PAPLN: variants seen among roughly 807,000 people sequenced by gnomAD.
PAPLN encodes the protein papilin.
Under a neutral mutation model 159.0 loss-of-function variants are expected in PAPLN, and 146 were observed. The observed-to-expected ratio is 0.92, with a 90% CI of 0.80 to 1.05. PAPLN has a LOEUF of 1.05. PAPLN is among the 50% of genes least tolerant of loss of function. The probability of loss-of-function intolerance (pLI) is 0.00; values close to 1 mark genes in which losing one functional copy is unlikely to be tolerated. For synonymous variants in PAPLN, 734 were observed against 702.9 expected (o/e 1.04, Z -0.70); for missense variants, 1,720 against 1,743.9 (o/e 0.99, Z 0.24).
chr14:73,274,346 G>A lies in PAPLN; in HGVS notation c.*1682G>A, dbSNP rs985955162. 2 of 152,186 alleles carry A rather than the reference G, an allele frequency of 1.3e-5. No individual in the cohort carries two copies. The highest frequency in any genetic ancestry group is 4.8e-5 in the African/African-American group (2 of 41,456). 9.4% of individuals were successfully genotyped at this position (152,186 alleles called of 1,614,324 possible). A position where few individuals can be genotyped will look rare whatever the true frequency, so the allele number is the denominator to read the frequency against. ...TACAAATCTTTCAGAGGACTGCCTAGTAGCAAAGGTTATTCCTGGACACAG... is the reference window on the plus strand; with the variant it reads ...TACAAATCTTTCAGAGGACTGCCTAATAGCAAAGGTTATTCCTGGACACAG... On this transcript the variant is annotated 3_prime_UTR_variant, in exon 27 of 27. Transcript: ENST00000644200.
intron 13 of PAPLN, 63 bp from the exon 14 acceptor site, chr14:73,254,814 A>T: frequency 6.3e-7 from 1 of 1,599,684 alleles, no homozygotes; most frequent in South Asian, 1.1e-5. Context: ...GCCTCTCTCC[A>T]TGTGGGTCCC....
Position 73,265,562 on chromosome 14 carries a change from C to T in PAPLN, c.3263+55C>T. The T allele has an allele frequency of 1.3e-6, 2 of 1,586,304 alleles. No homozygotes were observed. Among genetic ancestry groups the T allele is most frequent in the Non-Finnish European group, 1.7e-6 (2 of 1,163,882 alleles). On this transcript the variant is annotated intron_variant, in intron 23 of 26. Transcript: ENST00000644200. The surrounding 1 kb of genome is among the most constrained non-coding windows in gnomAD (Gnocchi z 4.1). ...ATTCTGCCTCCAGCCCCACCTTATC[C>T]TATGGAGGCCACCGGGGAAGGGAGC...
At chr14:73,263,305 G>C (rs1028714347) in intron 19 of PAPLN, 1 of 422,528 alleles carries the variant, frequency 2.4e-6, no homozygotes, top group African/African-American at 2.0e-5. Context: ...TAAAAGCGTT[G>C]TGTTCCACAT....
At chr14:73,267,169 C>T (rs1258387734) in intron 25 of PAPLN, among the ~76,000 whole-genome samples, 1 of 152,152 alleles carries the variant, frequency 6.6e-6, no homozygotes, top group Admixed American at 6.5e-5. Context: ...GGGCACCCTC[C>T]CCAAAGTCAT....
intron 5 of PAPLN, among the ~76,000 whole-genome samples, chr14:73,246,431 G>C (rs1884347860): frequency 6.9e-6 from 1 of 144,016 alleles, no homozygotes; most frequent in African/African-American, 2.5e-5. Context: ...TTTTTTGGGT[G>C]GGCGCGGGGG....
At chr14:73,247,790 C>G (rs1884636549) in intron 5 of PAPLN, among the ~76,000 whole-genome samples, 1 of 90,496 alleles carries the variant, frequency 1.1e-5, no homozygotes, top group Non-Finnish European at 2.0e-5. Flanking sequence ...GTGGGAGTCT[C>G]TTATCCCGTG....
intron 1 of PAPLN, among the ~76,000 whole-genome samples, chr14:73,237,834 G>T (rs1409796728): frequency 6.6e-6 from 1 of 152,116 alleles, no homozygotes; most frequent in Non-Finnish European, 1.5e-5. Context: ...GCTGGTGCGG[G>T]ACGGCCCCGG....
chr14:73,263,526 C>T (rs997324878), intron 19 of PAPLN, 119 bp from the exon 20 acceptor site: 1 of 1,354,476 alleles, frequency 7.4e-7, no homozygotes, highest in Non-Finnish European at 1.0e-6. Context: ...GACCCTCTAG[C>T]CCCAAAAGTG....
chr14:73,249,469 T>C (rs1884977461), intron 5 of PAPLN, among the ~76,000 whole-genome samples: 1 of 151,660 alleles, frequency 6.6e-6, no homozygotes, highest in African/African-American at 2.4e-5. Context: ...AGGTCAGGAG[T>C]TCGAGACCAG....
Position 73,253,920 on chromosome 14 carries a change from C to T in PAPLN, c.1261C>T (p.Leu421=), listed in dbSNP as rs757869922. 10 of 1,612,968 alleles carry T rather than the reference C, an allele frequency of 6.2e-6. No homozygotes were observed. In the African/African-American group the frequency reaches 1.2e-4, roughly 19 times the overall value. Reference sequence around the variant, plus strand: ...GCCCCCTGCCATTCAGGCCTGTAACCTGCAGCGCTGTGCAGCCTGGAGCCC... The same window carrying T: ...GCCCCCTGCCATTCAGGCCTGTAACTTGCAGCGCTGTGCAGCCTGGAGCCC... ...GKPPAIQACN[L]QRCAAWSPEP... is the part of the protein sequence containing the mutation. The change falls in exon 12 of 27, where the codon CTG becomes TTG. Residue 421 remains leucine (L), a synonymous_variant. Coordinates refer to ENST00000644200, the MANE Select transcript of PAPLN (RefSeq NM_001365906.3).
chr14:73,257,852 C>T (rs1886107324), intron 14 of PAPLN, among the ~76,000 whole-genome samples: 1 of 147,816 alleles, frequency 6.8e-6, no homozygotes, highest in Admixed American at 6.9e-5. Flanking sequence ...CAACCTCTGC[C>T]TCCCAGGTTC....
chr14:73,245,351 T>C lies in PAPLN; in HGVS notation c.171-285T>C. ...CCAAGCGGGTGGGTATTATATCTCA[T>C]GCACCTCGGGTCTTCTCTGGGAATC... On this transcript the variant is annotated intron_variant, in intron 3 of 26. Transcript: ENST00000644200. This position sits in a 1 kb window ranked among gnomAD's most constrained non-coding sequence, Gnocchi z 4.2. 1 of 471,808 alleles carries C rather than the reference T, an allele frequency of 2.1e-6. No individual in the cohort carries two copies. Among genetic ancestry groups the C allele is most frequent in the Non-Finnish European group, 3.9e-6 (1 of 259,456 alleles). The allele number at this position is 471,808 out of a possible 1,614,324, so 29.2% of individuals were successfully genotyped here. A position where few individuals can be genotyped will look rare whatever the true frequency, so the allele number is the denominator to read the frequency against.
In PAPLN at chr14:73,245,805, C is replaced by G. The variant is rs1884187076; in HGVS notation, c.231+109C>G. The G allele has an allele frequency of 7.3e-7, 1 of 1,369,336 alleles. No individual in the cohort carries two copies. Among genetic ancestry groups the G allele is most frequent in the South Asian group, 1.4e-5 (1 of 73,568 alleles). 84.8% of individuals were successfully genotyped at this position (1,369,336 alleles called of 1,614,324 possible). A position where few individuals can be genotyped will look rare whatever the true frequency, so the allele number is the denominator to read the frequency against. ...CCGCGGGCTGCTGGGTTGGCCCAGC[C>G]TGGGGTCCTCCCGCCAATCCACAGC... is the stretch of plus-strand genomic sequence containing the variant. On this transcript the variant is annotated intron_variant, in intron 4 of 26. Coordinates refer to ENST00000644200, the MANE Select transcript of PAPLN (RefSeq NM_001365906.3). The surrounding 1 kb of genome is among the most constrained non-coding windows in gnomAD (Gnocchi z 4.2).
At position 73,253,967 on chromosome 14, in the gene PAPLN, G is replaced by T; in HGVS notation, c.1302+6G>T. The T allele has an allele frequency of 6.2e-7, 1 of 1,605,906 alleles. No individual in the cohort carries two copies. Among genetic ancestry groups the T allele is most frequent in the Middle Eastern group, 1.7e-4 (1 of 5,832 alleles). ...GCCCGGAGCCCTGGGGAGAGGTCAG[G>T]CCCCTGGCCCGCATGGGGCTGGTGC... On this transcript the variant is annotated splice_donor_region_variant and intron_variant, in intron 12 of 26. Coordinates refer to ENST00000644200, the MANE Select transcript of PAPLN (RefSeq NM_001365906.3).
Position 73,262,759 on chromosome 14 carries a change from G to A in PAPLN, c.2655G>A (p.Gly885=). ...AATGGCCATGGGGGCAGGAGCTTGG[G>A]TCCAGGGCCCCTGGACTGGGTGGAG... ...FGEWPWGQEL[G]SRAPGLGGDA... Residue 885 remains glycine, a synonymous_variant, in exon 19 of 27, where the codon GGG becomes GGA. Coordinates refer to ENST00000644200, the MANE Select transcript of PAPLN (RefSeq NM_001365906.3). 1 of 1,511,196 alleles carries A rather than the reference G, an allele frequency of 6.6e-7. No individual in the cohort carries two copies. The highest frequency in any genetic ancestry group is 2.3e-5 in the Admixed American group (1 of 43,042). 93.6% of individuals were successfully genotyped at this position (1,511,196 alleles called of 1,614,324 possible).
upstream of PAPLN, among the ~76,000 whole-genome samples, chr14:73,237,079 A>G (rs868843813): frequency 7.9e-5 from 12 of 152,084 alleles, no homozygotes; most frequent in African/African-American, 2.7e-4. Context: ...GCGCATTCTG[A>G]GTGAGAAAAC....
chr14:73,238,039 C>A lies in PAPLN; in HGVS notation c.-7+447C>A, dbSNP rs563694169. Among the ~76,000 whole-genome samples, 8 of 152,306 alleles carry A rather than the reference C, an allele frequency of 5.3e-5. No homozygotes were observed. In the East Asian group the frequency reaches 1.5e-3, roughly 29 times the overall value. On this transcript the variant is annotated intron_variant, in intron 1 of 26. Transcript: ENST00000644200. ...GGCCTCCCGTGGGAACCGCGCCTCTCCGCCTCGGGGGTGCGCGGCGCGTTC... is the reference window on the plus strand; with the variant it reads ...GGCCTCCCGTGGGAACCGCGCCTCTACGCCTCGGGGGTGCGCGGCGCGTTC...
At chr14:73,247,193 T>C (rs1002632038) in intron 5 of PAPLN, among the ~76,000 whole-genome samples, 7 of 152,140 alleles carry the variant, frequency 4.6e-5, no homozygotes, top group African/African-American at 1.7e-4. Flanking sequence ...ACACCAAGAC[T>C]TCATTTATCA....
chr14:73,251,997 A>AC (rs1885326438), intron 9 of PAPLN, 21 bp from the exon 10 acceptor site: 1 of 1,594,796 alleles, frequency 6.3e-7, no homozygotes, highest in South Asian at 1.1e-5. Context: ...GCAGACCCCA[A>AC]CAAGGACTCT....
Sources: allele counts gnomAD v4.1 joint callset (sites outside exome capture counted in the v4.1 genomes callset), GRCh38; gene constraint gnomAD v4.1.1; non-coding constraint Gnocchi (gnomAD v3.1); transcripts MANE v1.5; gene names NCBI Gene and HGNC (gene_info 2026-07-23, HGNC 2026-07-21).